CYTH3: variants seen among roughly 807,000 people sequenced by gnomAD.
CYTH3 encodes the protein cytohesin-3.
In CYTH3, 23 loss-of-function variants were observed where a neutral mutation model predicts 55.1. The ratio of observed to expected loss-of-function variants is 0.42; its 90% CI spans 0.30 to 0.59. The LOEUF (loss-of-function observed/expected upper bound fraction) is 0.59, where lower values mean the gene tolerates loss of function less well. CYTH3 is among the 20% of genes least tolerant of loss of function. The pLI, the probability that CYTH3 is intolerant of heterozygous loss-of-function variation, is 0.20. For synonymous variants in CYTH3, 249 were observed against 194.9 expected (o/e 1.28, Z -2.31); for missense variants, 413 against 524.8 (o/e 0.79, Z 2.08).
intron 1 of CYTH3, among the ~76,000 whole-genome samples, chr7:6,211,160 C>G (rs779895823): frequency 1.6e-4 from 24 of 152,202 alleles, no homozygotes; most frequent in Non-Finnish European, 2.6e-4. Flanking sequence ...ACCATCCCCT[C>G]CTGTGAACCA....
At chr7:6,197,751 T>C (rs1184959624) in intron 1 of CYTH3, among the ~76,000 whole-genome samples, 1 of 152,146 alleles carries the variant, frequency 6.6e-6, no homozygotes, top group East Asian at 1.9e-4. Flanking sequence ...CATTATCCAT[T>C]TTACAGTCTA....
chr7:6,266,984 GACA>G (rs1373441741), intron 1 of CYTH3, among the ~76,000 whole-genome samples: 1 of 152,186 alleles, frequency 6.6e-6, no homozygotes, highest in Non-Finnish European at 1.5e-5. Context: ...GAGGGGAGGC[GACA>G]GGATCATGGA....
intron 1 of CYTH3, among the ~76,000 whole-genome samples, chr7:6,243,230 T>C (rs1779719351): frequency 6.6e-6 from 1 of 152,102 alleles, no homozygotes; most frequent in East Asian, 1.9e-4. Context: ...AAACTGCCCT[T>C]GGTAAGATGA....
intron 1 of CYTH3, among the ~76,000 whole-genome samples, chr7:6,265,690 A>G (rs1780475178): frequency 1.3e-5 from 2 of 152,048 alleles, no homozygotes; most frequent in Non-Finnish European, 1.5e-5. Context: ...TGGCCATGGT[A>G]AGGTGGTCTG....
intron 1 of CYTH3, among the ~76,000 whole-genome samples, chr7:6,196,879 C>A (rs958980991): frequency 6.6e-6 from 1 of 152,134 alleles, no homozygotes; most frequent in African/African-American, 2.4e-5. Flanking sequence ...ACAACATTTA[C>A]GAAAAGAATT....
At chr7:6,263,696 G>C (rs1780413241) in intron 1 of CYTH3, among the ~76,000 whole-genome samples, 5 of 151,956 alleles carry the variant, frequency 3.3e-5, no homozygotes, top group Admixed American at 2.0e-4. Flanking sequence ...CACTCAAGTG[G>C]TTAAGGCAGA....
chr7:6,191,875 G>T (rs1783811739), intron 1 of CYTH3, among the ~76,000 whole-genome samples: 1 of 152,008 alleles, frequency 6.6e-6, no homozygotes, highest in Admixed American at 6.5e-5. Context: ...CCAGGAGTTC[G>T]AGACCAGCCT....
intron 4 of CYTH3, among the ~76,000 whole-genome samples, chr7:6,179,722 C>A (rs1583749397): frequency 9.5e-6 from 1 of 105,028 alleles, no homozygotes; most frequent in South Asian, 3.2e-4. Flanking sequence ...CCCCACACAC[C>A]ACACACACAC....
chr7:6,188,911 A>G (rs1369646517), intron 2 of CYTH3: 4 of 152,196 alleles, frequency 2.6e-5, no homozygotes, highest in Admixed American at 2.6e-4. Flanking sequence ...AATTTCCATG[A>G]ATTACCTTTC....
At chr7:6,186,917 A>G (rs1783669076) in intron 4 of CYTH3, 133 bp downstream of exon 4, 16 of 875,606 alleles carry the variant, frequency 1.8e-5, no homozygotes, top group Non-Finnish European at 2.8e-5. Flanking sequence ...TTTGATAAAA[A>G]TGTGCCTTCA....
rs1327540980 is a variant in CYTH3, at chr7:6,207,091, T to C, written c.35-16560A>G. 5.2e-5 allele frequency among the ~76,000 whole-genome samples: 7 copies of C among 134,420 alleles called. No homozygotes were observed. The South Asian group carries it at 1.9e-3, about 36-fold the overall frequency. The allele number at this position is 134,420 out of a possible 152,430, so 88.2% of individuals were successfully genotyped here. ...ACAGAAATTAAAATGTGCAACTTTT[T>C]TTTTTTTTTTTTTTTTTTTTTGAGA... On this transcript the variant is annotated intron_variant, in intron 1 of 12. Transcript: ENST00000350796.
At chr7:6,165,950 G>C (rs1223742891) in intron 9 of CYTH3, 140 bp from the exon 10 acceptor site, 6 of 785,978 alleles carry the variant, frequency 7.6e-6, no homozygotes, top group African/African-American at 3.5e-5. Context: ...GTGTCCTTCA[G>C]CGTTCCCACC....
chr7:6,176,023 T>C (rs949864357), intron 5 of CYTH3, among the ~76,000 whole-genome samples: 1 of 152,164 alleles, frequency 6.6e-6, no homozygotes, highest in Admixed American at 6.5e-5. Context: ...TGTTGGAATA[T>C]TGGCATCTTA....
At chr7:6,187,294 T>C (rs1490522352) in intron 3 of CYTH3, among the ~76,000 whole-genome samples, 178 bp from the exon 4 acceptor site, 2 of 152,238 alleles carry the variant, frequency 1.3e-5, no homozygotes, top group Non-Finnish European at 1.5e-5. Flanking sequence ...ACCATTGCTG[T>C]TCACATTTGA....
At chr7:6,183,362 T>G (rs936202075) in intron 4 of CYTH3, among the ~76,000 whole-genome samples, 1 of 152,250 alleles carries the variant, frequency 6.6e-6, no homozygotes, top group Non-Finnish European at 1.5e-5. Context: ...GTCCACTGAG[T>G]GGACCCCTGC....
intron 1 of CYTH3, among the ~76,000 whole-genome samples, chr7:6,225,549 T>A (rs1779226343): frequency 6.6e-6 from 1 of 152,048 alleles, no homozygotes; most frequent in Admixed American, 6.6e-5. Flanking sequence ...AGAGTCAGGG[T>A]TTCTCCATGT....
chr7:6,172,853 T>C lies in CYTH3; in HGVS notation c.449+800A>G, dbSNP rs59824044. Reference sequence around the variant, plus strand: ...CGCACTGTTCAGCCCCAGGCTGCGCTGTGAGCACAACATCACGAGGGTCCC... The same window carrying C: ...CGCACTGTTCAGCCCCAGGCTGCGCCGTGAGCACAACATCACGAGGGTCCC... On this transcript the variant is annotated intron_variant, in intron 6 of 12. Coordinates refer to ENST00000350796, the MANE Select transcript of CYTH3 (RefSeq NM_004227.4). The C allele has an allele frequency of 1.7e-5, 22 of 1,275,500 alleles. No homozygotes were observed. The East Asian group carries it at 2.9e-4, about 17-fold the overall frequency. 79.0% of individuals were successfully genotyped at this position (1,275,500 alleles called of 1,614,324 possible). A position where few individuals can be genotyped will look rare whatever the true frequency, so the allele number is the denominator to read the frequency against.
chr7:6,262,599 TG>T (rs1160952857), intron 1 of CYTH3, among the ~76,000 whole-genome samples: 6 of 152,226 alleles, frequency 3.9e-5, no homozygotes, highest in Non-Finnish European at 5.9e-5. Context: ...CCAGGCTCAA[TG>T]GCTGATGCCT....
intron 1 of CYTH3, among the ~76,000 whole-genome samples, chr7:6,223,543 G>A (rs1042118248): frequency 4.6e-5 from 7 of 152,148 alleles, no homozygotes; most frequent in East Asian, 1.9e-4. Flanking sequence ...CCCCAACCCC[G>A]TGCTCTCTGA....
Sources: allele counts gnomAD v4.1 joint callset (sites outside exome capture counted in the v4.1 genomes callset), GRCh38; gene constraint gnomAD v4.1.1; transcripts MANE v1.5; gene names NCBI Gene and HGNC (gene_info 2026-07-23, HGNC 2026-07-21).